Variants in TNFAIP8 observed in about 807,000 individuals in gnomAD.
The protein encoded by TNFAIP8 is TNF alpha induced protein 8, also known as tumor necrosis factor alpha-induced protein 8.
Under a neutral mutation model 13.3 loss-of-function variants are expected in TNFAIP8, and 7 were observed. That is an observed-to-expected ratio of 0.52 (90% CI 0.30 to 0.99). The LOEUF is 0.99. TNFAIP8 is among the 50% of genes least tolerant of loss of function. TNFAIP8 has a pLI of 0.07. For missense variants in TNFAIP8, 258 were observed against 236.9 expected, an observed-to-expected ratio of 1.09 and a Z score of -0.58; for synonymous variants, 94 against 87.6, an observed-to-expected ratio of 1.07 and a Z score of -0.41.
At chr5:119,333,594 CCTT>C in intron 1 of TNFAIP8, 2 of 1,535,544 alleles carry the variant, frequency 1.3e-6, no homozygotes, top group Non-Finnish European at 1.7e-6. Flanking sequence ...GTGAAGTTGT[CCTT>C]CTGATTGCAC....
At chr5:119,315,549 G>T (rs920688187) in intron 1 of TNFAIP8, among the ~76,000 whole-genome samples, 8 of 152,340 alleles carry the variant, frequency 5.3e-5, no homozygotes, top group African/African-American at 1.9e-4. Flanking sequence ...TGTAGCCACA[G>T]TCTAGCTCCC....
intron 1 of TNFAIP8, among the ~76,000 whole-genome samples, chr5:119,359,240 G>A (rs1332724095): frequency 6.6e-6 from 1 of 152,120 alleles, no homozygotes; most frequent in Non-Finnish European, 1.5e-5. Context: ...CCCCATTCTA[G>A]GACATTGGCA....
At chr5:119,315,742 A>T (rs962430837) in intron 1 of TNFAIP8, among the ~76,000 whole-genome samples, 1 of 152,186 alleles carries the variant, frequency 6.6e-6, no homozygotes, top group African/African-American at 2.4e-5. Context: ...CTTTGCTGTC[A>T]GCTCCTGACA....
intron 1 of TNFAIP8, among the ~76,000 whole-genome samples, chr5:119,340,665 G>T (rs1562007960): frequency 6.6e-6 from 1 of 152,142 alleles, no homozygotes; most frequent in Non-Finnish European, 1.5e-5. Context: ...GTCATGGAGA[G>T]CTGAGGTGGG....
chr5:119,368,469 G>GTGTT (rs1273588611), intron 1 of TNFAIP8, among the ~76,000 whole-genome samples: 1 of 150,064 alleles, frequency 6.7e-6, no homozygotes, highest in Non-Finnish European at 1.5e-5. Context: ...GCGTGTGTGT[G>GTGTT]TTTGTGTTGG....
At chr5:119,297,855 G>A (rs1318125255) in intron 1 of TNFAIP8, among the ~76,000 whole-genome samples, 16 of 151,722 alleles carry the variant, frequency 1.1e-4, no homozygotes, top group African/African-American at 2.2e-4. Flanking sequence ...CTTTACCATT[G>A]TGTAATGGCC....
intron 1 of TNFAIP8, among the ~76,000 whole-genome samples, chr5:119,385,994 G>A (rs1417443099): frequency 1.3e-5 from 2 of 152,154 alleles, no homozygotes; most frequent in Non-Finnish European, 2.9e-5. Context: ...ATATCCCTGA[G>A]CAGTGTGGCA....
chr5:119,355,659 A>G, upstream of TNFAIP8: 1 of 427,126 alleles, frequency 2.3e-6, no homozygotes, highest in Non-Finnish European at 4.1e-6. Flanking sequence ...GTAAAACTAC[A>G]GTGTGCTCTG....
At chr5:119,329,016 A>G (rs1750300442) in intron 1 of TNFAIP8, among the ~76,000 whole-genome samples, 1 of 152,194 alleles carries the variant, frequency 6.6e-6, no homozygotes, top group Non-Finnish European at 1.5e-5. Context: ...GCAAGTGTGA[A>G]GAGAGACTTG....
chr5:119,293,383 C>A (rs6595180), intron 1 of TNFAIP8, among the ~76,000 whole-genome samples: 14,724 of 152,136 alleles, frequency 0.097, 1,917 homozygotes, highest in African/African-American at 0.3. Flanking sequence ...CTCTAGTCAC[C>A]TCCATTTTAC....
intron 1 of TNFAIP8, among the ~76,000 whole-genome samples, chr5:119,288,417 T>A (rs1748869154): frequency 6.6e-6 from 1 of 152,248 alleles, no homozygotes; most frequent in African/African-American, 2.4e-5. Flanking sequence ...TGCTAAATTT[T>A]ACTGGAGCAA....
At chr5:119,299,910 A>G (rs1749308025) in intron 1 of TNFAIP8, among the ~76,000 whole-genome samples, 1 of 152,220 alleles carries the variant, frequency 6.6e-6, no homozygotes, top group African/African-American at 2.4e-5. Context: ...GGACCCTCTG[A>G]GTCAGGTGCG....
At chr5:119,322,142 CCT>C (rs2112690447) in intron 1 of TNFAIP8, among the ~76,000 whole-genome samples, 1 of 152,286 alleles carries the variant, frequency 6.6e-6, no homozygotes, top group African/African-American at 2.4e-5. Flanking sequence ...CCAAAATGCT[CCT>C]CTCTCCCACC....
chr5:119,356,329 G>A (rs142173809), intron 1 of TNFAIP8, among the ~76,000 whole-genome samples: 15 of 152,300 alleles, frequency 9.8e-5, no homozygotes, highest in African/African-American at 2.9e-4. Context: ...TCAGAGGGGA[G>A]GGGAGGAAAA....
chr5:119,362,336 A>G lies in TNFAIP8; in HGVS notation c.31+6215A>G, dbSNP rs183929095. Among the ~76,000 whole-genome samples the G allele has an allele frequency of 3.8e-4, 58 of 152,314 alleles. 1 individual carries two copies. In the Middle Eastern group the frequency reaches 0.01, roughly 27 times the overall value. On this transcript the variant is annotated intron_variant, in intron 1 of 1. Transcript: ENST00000504771. ...GCATTCGTGGTGATGTTGTAGTGGT[A>G]CATGGGGCCAGTCTAGAAGCTGGAC...
chr5:119,330,095 T>C (rs997439480), intron 1 of TNFAIP8, among the ~76,000 whole-genome samples: 1 of 151,904 alleles, frequency 6.6e-6, no homozygotes, highest in Non-Finnish European at 1.5e-5. Context: ...ATTAGCGCCA[T>C]GGTTTAGGCA....
chr5:119,342,030 C>T (rs1278641500), intron 1 of TNFAIP8, among the ~76,000 whole-genome samples: 1 of 151,826 alleles, frequency 6.6e-6, no homozygotes, highest in Non-Finnish European at 1.5e-5. Flanking sequence ...TCTGGGGTGC[C>T]CTCTAGTCCT....
At chr5:119,330,748 G>C (rs567326430) in intron 1 of TNFAIP8, among the ~76,000 whole-genome samples, 2 of 152,178 alleles carry the variant, frequency 1.3e-5, no homozygotes, top group South Asian at 4.2e-4. Flanking sequence ...ATTTTCTCAT[G>C]GCCACCATCA....
intron 1 of TNFAIP8, among the ~76,000 whole-genome samples, chr5:119,378,447 A>G (rs1289743715): frequency 2.0e-5 from 3 of 152,206 alleles, no homozygotes; most frequent in Non-Finnish European, 2.9e-5. Context: ...CCTGACATTA[A>G]CATGGCTATG....
Sources: allele counts gnomAD v4.1 joint callset (sites outside exome capture counted in the v4.1 genomes callset), GRCh38; gene constraint gnomAD v4.1.1; transcripts MANE v1.5; gene names NCBI Gene and HGNC (gene_info 2026-07-23, HGNC 2026-07-21).